Variants in PCDH9 observed in about 807,000 individuals in gnomAD.
PCDH9 encodes protocadherin 9.
Under a neutral mutation model 70.6 loss-of-function variants are expected in PCDH9, and 24 were observed. The observed-to-expected ratio is 0.34, with a 90% confidence interval of 0.25 to 0.48. PCDH9 has a LOEUF of 0.48. PCDH9 is among the 20% of genes least tolerant of loss of function. PCDH9 has a pLI of 0.99. For missense variants in PCDH9, 1,281 were observed against 1,503.6 expected (o/e 0.85, Z 2.45); for synonymous variants, 562 against 558.5 (o/e 1.01, Z -0.09).
At chr13:66,733,574 C>T (rs527375989) in intron 3 of PCDH9, among the ~76,000 whole-genome samples, 1 of 152,052 alleles carries the variant, frequency 6.6e-6, no homozygotes, top group Admixed American at 6.6e-5. Context: ...ATATAGATCT[C>T]AATTTCTCTG....
At chr13:66,797,803 T>TTGTA (rs1316257848) in intron 3 of PCDH9, among the ~76,000 whole-genome samples, 1 of 152,044 alleles carries the variant, frequency 6.6e-6, no homozygotes, top group Admixed American at 6.6e-5. Context: ...GGACAGAAAG[T>TTGTA]TGTAACTTTC....
chr13:66,745,316 T>C (rs1164494485), intron 3 of PCDH9, among the ~76,000 whole-genome samples: 1 of 152,200 alleles, frequency 6.6e-6, no homozygotes, highest in Non-Finnish European at 1.5e-5. Flanking sequence ...TTCAAAACCC[T>C]AATACACAGT....
intron 2 of PCDH9, among the ~76,000 whole-genome samples, chr13:66,905,980 G>C (rs2139604736): frequency 6.6e-6 from 1 of 152,200 alleles, no homozygotes; most frequent in East Asian, 1.9e-4. Context: ...TATTCTGTTT[G>C]TTTGTTTGAT....
chr13:67,149,719 AC>A lies in PCDH9; in HGVS notation c.3036+75685del, dbSNP rs1457197294. On this transcript the variant is annotated intron_variant, in intron 2 of 4. Coordinates refer to ENST00000377865, the MANE Select transcript of PCDH9 (RefSeq NM_203487.3). ...AGATTTTTGCTTTGTATAAAAAAAA[AC>A]CCTAAGATTATTAACTTTAAAGCTA... 5.3e-5 allele frequency among the ~76,000 whole-genome samples: 8 copies of A among 152,234 alleles called. No individual in the cohort carries two copies. In the East Asian group the frequency reaches 1.5e-3, roughly 29 times the overall value.
chr13:66,831,435 G>C (rs993205385), intron 3 of PCDH9, among the ~76,000 whole-genome samples: 1 of 152,130 alleles, frequency 6.6e-6, no homozygotes, highest in African/African-American at 2.4e-5. Flanking sequence ...GAATTCCAGA[G>C]TGATAGCAGC....
At chr13:66,641,623 G>A (rs2077710122) in intron 3 of PCDH9, among the ~76,000 whole-genome samples, 1 of 152,018 alleles carries the variant, frequency 6.6e-6, no homozygotes, top group Non-Finnish European at 1.5e-5. Flanking sequence ...GATATGGAAG[G>A]GACTGTCTCT....
intron 3 of PCDH9, among the ~76,000 whole-genome samples, chr13:66,798,540 A>T (rs1272522494): frequency 2.0e-5 from 3 of 152,188 alleles, no homozygotes; most frequent in Non-Finnish European, 4.4e-5. Context: ...AGGTAGGCCT[A>T]TTTGAAATGA....
intron 2 of PCDH9, among the ~76,000 whole-genome samples, chr13:67,064,337 A>G (rs260137): frequency 0.99 from 151,056 of 152,238 alleles, 74,954 homozygotes; most frequent in East Asian, 1. Flanking sequence ...TATTCCTTCC[A>G]AAATTGCTGC....
chr13:67,197,393 G>C (rs1267076991), intron 2 of PCDH9, among the ~76,000 whole-genome samples: 1 of 151,952 alleles, frequency 6.6e-6, no homozygotes, highest in Non-Finnish European at 1.5e-5. Context: ...AAAAAAAATA[G>C]CTAGTGCTGG....
intron 3 of PCDH9, among the ~76,000 whole-genome samples, chr13:66,835,695 T>G (rs1317647628): frequency 6.6e-6 from 1 of 152,222 alleles, no homozygotes; most frequent in Non-Finnish European, 1.5e-5. Flanking sequence ...TATAAACATC[T>G]GAATTAATAC....
intron 3 of PCDH9, among the ~76,000 whole-genome samples, chr13:66,874,184 G>A (rs2081754066): frequency 1.3e-5 from 2 of 151,938 alleles, no homozygotes; most frequent in African/African-American, 4.8e-5. Context: ...TTAATCTGAT[G>A]TAAGAGAATA....
chr13:66,500,043 T>A (rs1959168503), intron 4 of PCDH9, among the ~76,000 whole-genome samples: 1 of 152,232 alleles, frequency 6.6e-6, no homozygotes, highest in African/African-American at 2.4e-5. Context: ...CTCTTTTATT[T>A]GTAAATTACC....
intron 4 of PCDH9, among the ~76,000 whole-genome samples, chr13:66,476,385 A>G (rs1359868572): frequency 6.6e-6 from 1 of 152,084 alleles, no homozygotes; most frequent in Non-Finnish European, 1.5e-5. Flanking sequence ...AGATAGATAA[A>G]AGACTATTTT....
At chr13:66,919,138 G>T (rs1234474423) in intron 2 of PCDH9, among the ~76,000 whole-genome samples, 2 of 150,982 alleles carry the variant, frequency 1.3e-5, no homozygotes, top group Admixed American at 6.6e-5. Flanking sequence ...TCACTATTTA[G>T]TATTTCTCTG....
chr13:67,190,844 A>T (rs2138018495), intron 2 of PCDH9, among the ~76,000 whole-genome samples: 1 of 152,182 alleles, frequency 6.6e-6, no homozygotes, highest in Non-Finnish European at 1.5e-5. Flanking sequence ...TAAGTTCTTG[A>T]TCGTTTCCAA....
intron 3 of PCDH9, among the ~76,000 whole-genome samples, chr13:66,782,414 C>A (rs2080013253): frequency 6.6e-6 from 1 of 151,986 alleles, no homozygotes; most frequent in African/African-American, 2.4e-5. Flanking sequence ...TCATGGTAAT[C>A]TCTAGAACTA....
chr13:66,897,409 A>G (rs1434553447), intron 3 of PCDH9, among the ~76,000 whole-genome samples: 1 of 152,160 alleles, frequency 6.6e-6, no homozygotes, highest in African/African-American at 2.4e-5. Context: ...AGAGGAAGGG[A>G]TGTCTAGTAC....
At chr13:66,366,620 T>G (rs1956558707) in intron 4 of PCDH9, among the ~76,000 whole-genome samples, 1 of 152,016 alleles carries the variant, frequency 6.6e-6, no homozygotes, top group Non-Finnish European at 1.5e-5. Flanking sequence ...TAAATTGCAC[T>G]CTAAGTAATC....
At chr13:67,041,063 T>TA (rs999937063) in intron 2 of PCDH9, among the ~76,000 whole-genome samples, 18 of 147,700 alleles carry the variant, frequency 1.2e-4, no homozygotes, top group East Asian at 2.0e-4. Context: ...TCAAGAACAT[T>TA]AAAAAAAAAA....
Sources: allele counts gnomAD v4.1 joint callset (sites outside exome capture counted in the v4.1 genomes callset), GRCh38; gene constraint gnomAD v4.1.1; transcripts MANE v1.5; gene names NCBI Gene and HGNC (gene_info 2026-07-23, HGNC 2026-07-21).